Variants in DLG5 observed in about 807,000 individuals in gnomAD.
The protein encoded by DLG5 is disks large homolog 5.
DLG5 carries 48 observed loss-of-function variants against 189.8 expected under a neutral mutation model. The observed-to-expected ratio is 0.25, with a 90% CI of 0.20 to 0.32. The LOEUF is 0.32. Ranked by LOEUF, DLG5 falls within the 10% of genes least tolerant of loss-of-function variation. DLG5 has a pLI of 1.00. For synonymous variants in DLG5, 1,016 were observed against 1,054.1 expected (o/e 0.96, Z 0.70); for missense variants, 2,160 against 2,544.7 (o/e 0.85, Z 3.25).
intron 7 of DLG5, among the ~76,000 whole-genome samples, chr10:77,837,629 G>T (rs1411179561): frequency 2.6e-5 from 4 of 152,210 alleles, no homozygotes; most frequent in Non-Finnish European, 5.9e-5. Context: ...AAATTTGGAA[G>T]CCCAGAGGAC....
chr10:77,811,184 G>C lies in DLG5; in HGVS notation c.4373C>G (p.Thr1458Ser). The change falls in exon 23 of 32, where the codon ACC becomes AGC. Residue 1458 changes from threonine (T) to serine (S), a missense_variant. Transcript: ENST00000372391. ...GACAGATGGATGCTCCGGGGTGGTG[G>C]TGCCACTGCCCTGGAGAGTGGAGTG... is the stretch of plus-strand genomic sequence containing the variant. ...GTHSTLQGSGTTTPEHPSVID... is the reference protein window; with the variant it reads ...GTHSTLQGSGSTTPEHPSVID... 6.2e-7 allele frequency: 1 copy of C among 1,613,414 alleles called. No individual in the cohort carries two copies. The highest frequency in any genetic ancestry group is 8.5e-7 in the Non-Finnish European group (1 of 1,179,992).
chr10:77,877,209 A>G (rs1482117381), intron 1 of DLG5, among the ~76,000 whole-genome samples: 1 of 152,202 alleles, frequency 6.6e-6, no homozygotes, highest in Non-Finnish European at 1.5e-5. Context: ...AGAGAGGGAA[A>G]ACAAAACATG....
chr10:77,810,427 G>A (rs1045627394), intron 23 of DLG5, among the ~76,000 whole-genome samples: 5 of 152,180 alleles, frequency 3.3e-5, no homozygotes, highest in Non-Finnish European at 5.9e-5. Context: ...TCTCAGTGCT[G>A]GAGACACAGC....
Position 77,809,583 on chromosome 10 carries a change from A to T in DLG5, c.4611T>A (p.Gly1537=). Residue 1537 remains glycine (G), a synonymous_variant, in exon 24 of 32, where the codon GGT becomes GGA. Coordinates refer to ENST00000372391, the MANE Select transcript of DLG5 (RefSeq NM_004747.4). ...AEVEDDSPAK[G]PDGLVPGDLI... The stretch of plus-strand genomic sequence containing the variant: ...GGTCCCCTGGCACGAGGCCGTCAGG[A>T]CCCTTGGCAGGACTGTCATCCTCCA... 1 of 1,614,008 alleles carries T rather than the reference A, an allele frequency of 6.2e-7. No homozygotes were observed. The highest frequency in any genetic ancestry group is 8.5e-7 in the Non-Finnish European group (1 of 1,179,970).
At chr10:77,799,012 C>T (rs1009124714) in intron 27 of DLG5, among the ~76,000 whole-genome samples, 4 of 152,168 alleles carry the variant, frequency 2.6e-5, no homozygotes, top group African/African-American at 4.8e-5. Flanking sequence ...AAACCATATT[C>T]TCCCTTAATG....
intron 1 of DLG5, among the ~76,000 whole-genome samples, chr10:77,911,128 T>G (rs1184877586): frequency 6.6e-6 from 1 of 152,124 alleles, no homozygotes; most frequent in Non-Finnish European, 1.5e-5. Flanking sequence ...TAAAGTGTTT[T>G]ATTGATTGAT....
At chr10:77,852,859 GTGTATGTA>G (rs910818844) in intron 5 of DLG5, among the ~76,000 whole-genome samples, 1 of 152,168 alleles carries the variant, frequency 6.6e-6, no homozygotes, top group African/African-American at 2.4e-5. Flanking sequence ...ATATACATAT[GTGTATGTA>G]TGTATGTATA....
At position 77,792,199 on chromosome 10, in the gene DLG5, T is replaced by C; in HGVS notation, c.*241A>G. 1.8e-6 allele frequency: 1 copy of C among 557,176 alleles called. No homozygotes were observed. The highest frequency in any genetic ancestry group is 3.2e-6 in the Non-Finnish European group (1 of 312,810). The allele number at this position is 557,176 out of a possible 1,614,324, so 34.5% of individuals were successfully genotyped here. A position where few individuals can be genotyped will look rare whatever the true frequency, so the allele number is the denominator to read the frequency against. ...GAAAGGTGGGTGCTGAACCCGTCTT[T>C]AGTGTTATCTGTTTTGTGTTAAAGC... On this transcript the variant is annotated 3_prime_UTR_variant, in exon 32 of 32. Transcript: ENST00000372391.
At chr10:77,831,485 C>T (rs1441765508) in intron 9 of DLG5, among the ~76,000 whole-genome samples, 2 of 152,064 alleles carry the variant, frequency 1.3e-5, no homozygotes. Flanking sequence ...AAAATGTATA[C>T]AAAAAGGCAT....
chr10:77,821,297 C>A lies in DLG5; in HGVS notation c.3187G>T (p.Ala1063Ser), dbSNP rs368687321. 1 of 1,613,574 alleles carries A rather than the reference C, an allele frequency of 6.2e-7. No homozygotes were observed. The highest frequency in any genetic ancestry group is 1.1e-5 in the South Asian group (1 of 91,080). Residue 1063 changes from alanine to serine, a missense_variant, in exon 15 of 32, where the codon GCA becomes TCA. By Grantham distance (99) the Ala-to-Ser change is moderately conservative (BLOSUM62 1). Around this residue, in one of 5 missense-constraint regions of DLG5, gnomAD observed 754 missense variants for 746.5 expected, o/e 1.01. Transcript: ENST00000372391. ...ACCCTGGCCTTGCGAGGGGGTGATG[C>A]GTGCATGGGCTCCCCGGGGTCCACG... ...PDVDPGEPMH[A>S]SPPRKARVRI...
At chr10:77,830,447 T>A in intron 10 of DLG5, 103 bp from the exon 11 acceptor site, 1 of 1,533,872 alleles carries the variant, frequency 6.5e-7, no homozygotes, top group Non-Finnish European at 8.9e-7. Flanking sequence ...GGACTGTCCC[T>A]TCACCTCATC....
chr10:77,853,532 A>G lies in DLG5; in HGVS notation c.686T>C (p.Leu229Pro), dbSNP rs758021166. The change falls in exon 5 of 32, where the codon CTC becomes CCC. Residue 229 changes from leucine to proline, a missense_variant. Physicochemically the swap from Leu to Pro is moderately conservative, Grantham distance 98. This residue lies in a region of DLG5 where 664 missense variants were observed against 838.5 expected (regional missense o/e 0.79). Coordinates refer to ENST00000372391, the MANE Select transcript of DLG5 (RefSeq NM_004747.4). ...CTGGTCACTCAGGAGCCGGCTGTGG[A>G]GTGTGCTGAAACACCCGGTACATGC... is the stretch of plus-strand genomic sequence containing the variant. ...VAKETDFYHT[L>P]HSRLLSDQTR... 6.3e-7 allele frequency: 1 copy of G among 1,599,110 alleles called. No individual in the cohort carries two copies. The highest frequency in any genetic ancestry group is 8.5e-7 in the Non-Finnish European group (1 of 1,172,714).
At chr10:77,919,294 A>C (rs1303161536) in intron 1 of DLG5, among the ~76,000 whole-genome samples, 1 of 152,080 alleles carries the variant, frequency 6.6e-6, no homozygotes, top group Non-Finnish European at 1.5e-5. Flanking sequence ...GGAAAACCAG[A>C]GTATCAAAAA....
chr10:77,918,933 C>T (rs1480548332), intron 1 of DLG5, among the ~76,000 whole-genome samples: 1 of 152,012 alleles, frequency 6.6e-6, no homozygotes, highest in Non-Finnish European at 1.5e-5. Flanking sequence ...AATGAGACAA[C>T]GGCCGAGAGT....
At chr10:77,812,473 G>A (rs937499404) in intron 20 of DLG5, 96 bp from the exon 21 acceptor site, 1 of 1,421,056 alleles carries the variant, frequency 7.0e-7, no homozygotes, top group Non-Finnish European at 9.5e-7. Context: ...TGACAGTGCA[G>A]AAAGGGCCCC....
intron 2 of DLG5, among the ~76,000 whole-genome samples, chr10:77,858,355 C>T (rs1009447059): frequency 6.6e-6 from 1 of 151,928 alleles, no homozygotes; most frequent in Admixed American, 6.6e-5. Context: ...CAAAAATTAG[C>T]CAAGAGTGGT....
At chr10:77,810,252 A>G (rs1025579057) in intron 23 of DLG5, among the ~76,000 whole-genome samples, 2 of 152,208 alleles carry the variant, frequency 1.3e-5, no homozygotes, top group African/African-American at 2.4e-5. Flanking sequence ...ACATGGAGGG[A>G]GTGAGATGGG....
intron 2 of DLG5, among the ~76,000 whole-genome samples, chr10:77,860,784 G>C (rs897037202): frequency 2.6e-5 from 4 of 152,064 alleles, no homozygotes; most frequent in Admixed American, 2.6e-4. Flanking sequence ...TAGAACCCAA[G>C]GTATTAACCT....
chr10:77,817,946 A>T, intron 17 of DLG5, 57 bp from the exon 18 acceptor site: 1 of 1,403,736 alleles, frequency 7.1e-7, no homozygotes, highest in Non-Finnish European at 9.8e-7. Flanking sequence ...AGATGTGGCC[A>T]CTGGGGAGAA....
Sources: allele counts gnomAD v4.1 joint callset (sites outside exome capture counted in the v4.1 genomes callset), GRCh38; gene constraint gnomAD v4.1.1; regional missense constraint gnomAD v4.1.1; transcripts MANE v1.5; gene names NCBI Gene and HGNC (gene_info 2026-07-23, HGNC 2026-07-21).